Variants in AGBL4 observed in about 807,000 individuals in gnomAD.
AGBL4 encodes the protein AGBL carboxypeptidase 4.
A neutral mutation model predicts 66.4 loss-of-function variants in AGBL4; 58 were observed. That is an observed-to-expected ratio of 0.87 (90% CI 0.71 to 1.09). The LOEUF (loss-of-function observed/expected upper bound fraction) is 1.09. Ranked by LOEUF, AGBL4 falls within the 50% of genes least tolerant of loss-of-function variation. The pLI, the probability that AGBL4 is intolerant of heterozygous loss-of-function variation, is 0.00. For missense variants in AGBL4, 579 were observed against 631.0 expected (o/e 0.92, Z 0.88); for synonymous variants, 234 against 222.9 (o/e 1.05, Z -0.44).
At chr1:49,723,868 A>T (rs911139083) in intron 2 of AGBL4, among the ~76,000 whole-genome samples, 1 of 152,156 alleles carries the variant, frequency 6.6e-6, no homozygotes, top group Non-Finnish European at 1.5e-5. Flanking sequence ...TGAATGAATT[A>T]TGTGCATATG....
In AGBL4 at chr1:49,844,836, A is replaced by G. The variant is rs1048486354; in HGVS notation, c.157+6560T>C. 4.6e-6 allele frequency: 7 copies of G among 1,521,742 alleles called. No homozygotes were observed. The African/African-American group carries it at 8.2e-5, about 18-fold the overall frequency. 94.3% of individuals were successfully genotyped at this position (1,521,742 alleles called of 1,614,324 possible). On this transcript the variant is annotated intron_variant, in intron 2 of 13. Transcript: ENST00000371839. ...GTGAAGACACTGTGGGCCACTGGGA[A>G]TGGAGTTGTGAGAGCCTAGAGAGCC...
chr1:49,726,478 T>C (rs1474910), intron 2 of AGBL4, among the ~76,000 whole-genome samples: 28,398 of 152,052 alleles, frequency 0.19, 3,273 homozygotes, highest in East Asian at 0.42. Context: ...GTTTAAGGAA[T>C]GGCAGAGAGT....
At chr1:48,645,562 C>A (rs1645822430) in intron 8 of AGBL4, among the ~76,000 whole-genome samples, 1 of 152,186 alleles carries the variant, frequency 6.6e-6, no homozygotes. Flanking sequence ...AATGAGGCTT[C>A]TGATGACCCC....
At chr1:48,859,092 A>C (rs927859636) in intron 6 of AGBL4, among the ~76,000 whole-genome samples, 9 of 152,056 alleles carry the variant, frequency 5.9e-5, no homozygotes, top group Non-Finnish European at 1.2e-4. Context: ...AGAGTTTTTA[A>C]GGGGAGAGTC....
chr1:49,686,758 C>T (rs1012740949), intron 3 of AGBL4, among the ~76,000 whole-genome samples: 96 of 152,106 alleles, frequency 6.3e-4, no homozygotes, highest in Admixed American at 6.2e-3. Context: ...GGAAAGCTTT[C>T]TACATGTTAG....
intron 5 of AGBL4, among the ~76,000 whole-genome samples, chr1:48,993,306 C>T (rs951624310): frequency 6.6e-6 from 1 of 152,090 alleles, no homozygotes; most frequent in African/African-American, 2.4e-5. Flanking sequence ...GGAATGGGTA[C>T]CTCAGGACTC....
chr1:48,587,051 T>C lies in AGBL4; in HGVS notation c.1220A>G (p.Tyr407Cys). 1.2e-6 allele frequency: 2 copies of C among 1,608,612 alleles called. No homozygotes were observed. Among genetic ancestry groups the C allele is most frequent in the Non-Finnish European group, 1.7e-6 (2 of 1,177,736 alleles). Residue 407 changes from tyrosine (Y) to cysteine (C), a missense_variant, in exon 11 of 14, where the codon TAC becomes TGC. Transcript: ENST00000371839. Reference sequence around the variant, plus strand: ...AGCAGCCGTGGTGCCACTGATGATGTAGCTGTAGAAGGAGACCTCTAGGGT... The same window carrying C: ...AGCAGCCGTGGTGCCACTGATGATGCAGCTGTAGAAGGAGACCTCTAGGGT... The part of the protein sequence containing the change: ...CYTLEVSFYS[Y>C]IISGTTAAVP...
intron 6 of AGBL4, among the ~76,000 whole-genome samples, chr1:48,757,694 C>A (rs919310036): frequency 2.0e-5 from 3 of 152,152 alleles, no homozygotes; most frequent in African/African-American, 7.2e-5. Context: ...ATGACACCTA[C>A]AAATATAAGT....
chr1:48,875,878 C>T (rs752882014), intron 5 of AGBL4, among the ~76,000 whole-genome samples: 14 of 152,166 alleles, frequency 9.2e-5, no homozygotes, highest in Non-Finnish European at 1.6e-4. Context: ...AAAACCTACA[C>T]TCAAACCCAT....
chr1:48,809,600 GT>G (rs1646004493), intron 6 of AGBL4, among the ~76,000 whole-genome samples: 1 of 152,172 alleles, frequency 6.6e-6, no homozygotes, highest in Non-Finnish European at 1.5e-5. Context: ...GAAGACTGGA[GT>G]CCTGCCTTAA....
chr1:49,529,196 C>T lies in AGBL4; in HGVS notation c.282+168117G>A, dbSNP rs566214158. ...AATAGGTAAAAGCCTGAAATAAGAC[C>T]GTGGTGATAAATTTGAAGAGTAGGA... On this transcript the variant is annotated intron_variant, in intron 3 of 13. Transcript: ENST00000371839. Among the ~76,000 whole-genome samples, 440 of 151,910 alleles carry T rather than the reference C, an allele frequency of 2.9e-3. 3 individuals carry two copies. Among genetic ancestry groups the T allele is most frequent in the African/African-American group, 4.5e-3 (187 of 41,414 alleles).
chr1:49,830,023 G>T (rs1275312157), intron 2 of AGBL4, among the ~76,000 whole-genome samples: 1 of 152,066 alleles, frequency 6.6e-6, no homozygotes, highest in Admixed American at 6.6e-5. Flanking sequence ...TCATTAGTGG[G>T]CATTTGGGTT....
chr1:49,210,665 C>G (rs1648594666), intron 4 of AGBL4, among the ~76,000 whole-genome samples: 1 of 152,018 alleles, frequency 6.6e-6, no homozygotes, highest in African/African-American at 2.4e-5. Context: ...TTGCCAACCC[C>G]CAACAGCCAC....
intron 1 of AGBL4, among the ~76,000 whole-genome samples, chr1:50,010,568 T>C (rs1211167375): frequency 6.6e-6 from 1 of 151,952 alleles, no homozygotes; most frequent in Non-Finnish European, 1.5e-5. Context: ...ATTCAAATTA[T>C]ATGATAGAGC....
At chr1:49,543,776 C>T (rs1652254216) in intron 3 of AGBL4, among the ~76,000 whole-genome samples, 1 of 152,126 alleles carries the variant, frequency 6.6e-6, no homozygotes, top group South Asian at 2.1e-4. Context: ...TTTGCTGGTG[C>T]CATAGTGTAG....
At chr1:49,587,527 T>G (rs560432749) in intron 3 of AGBL4, among the ~76,000 whole-genome samples, 11 of 152,140 alleles carry the variant, frequency 7.2e-5, no homozygotes, top group Non-Finnish European at 1.3e-4. Flanking sequence ...TGCATATATA[T>G]ATCCATCATA....
At chr1:49,518,670 A>G (rs1650022326) in intron 3 of AGBL4, among the ~76,000 whole-genome samples, 1 of 152,108 alleles carries the variant, frequency 6.6e-6, no homozygotes, top group African/African-American at 2.4e-5. Flanking sequence ...TCAAGATCAA[A>G]GGATATAATG....
At chr1:48,613,096 T>C (rs1313199682) in intron 9 of AGBL4, among the ~76,000 whole-genome samples, 1 of 151,816 alleles carries the variant, frequency 6.6e-6, no homozygotes, top group Non-Finnish European at 1.5e-5. Flanking sequence ...ATTGCACCAT[T>C]GGACTCCAGC....
chr1:48,783,940 T>C (rs1405434414), intron 6 of AGBL4, among the ~76,000 whole-genome samples: 1 of 152,146 alleles, frequency 6.6e-6, no homozygotes. Flanking sequence ...CTATCTAACC[T>C]TGGGGAAGTC....
Sources: gnomAD v4.1 joint callset for allele counts (sites outside exome capture counted in the v4.1 genomes callset) on GRCh38, gnomAD v4.1.1 for gene constraint, MANE v1.5 for transcripts, NCBI Gene and HGNC (gene_info 2026-07-23, HGNC 2026-07-21) for gene names.